Variants in VASP observed in about 807,000 individuals in gnomAD.
VASP encodes the protein vasodilator stimulated phosphoprotein.
In VASP, 27 loss-of-function variants were observed where a neutral mutation model predicts 54.4. The ratio of observed to expected loss-of-function variants is 0.50; its 90% CI spans 0.37 to 0.68. The LOEUF is 0.68. Among genes scored for constraint, VASP ranks in the 30% least tolerant of loss-of-function variants. The pLI, the probability that VASP is intolerant of heterozygous loss-of-function variation, is 0.00. For synonymous variants in VASP, 233 were observed against 209.8 expected (o/e 1.11, Z -0.96); for missense variants, 488 against 528.3 (o/e 0.92, Z 0.75).
At position 45,522,831 on chromosome 19, in the gene VASP, C is replaced by CT. The variant is rs1334173641; in HGVS notation, c.821+14dup. On this transcript the variant is annotated intron_variant, in intron 7 of 12. Coordinates refer to ENST00000245932, the MANE Select transcript of VASP (RefSeq NM_003370.4). ...TGCTGGCCCGGAGGTGAGCCTGAGC[C>CT]TGGACCCCCAAGTCACCTGGAGTTC... 3.7e-6 allele frequency: 6 copies of CT among 1,601,270 alleles called. No individual in the cohort carries two copies. The highest frequency in any genetic ancestry group is 1.4e-5 in the African/African-American group (1 of 73,628).
chr19:45,522,061 G>A (rs1968847242), intron 4 of VASP, 107 bp from the exon 5 acceptor site: 1 of 1,504,974 alleles, frequency 6.6e-7, no homozygotes, highest in Non-Finnish European at 9.1e-7. Flanking sequence ...AGTATTAGGA[G>A]CCAGCCACCC....
intron 10 of VASP, 41 bp downstream of exon 10, chr19:45,524,183 G>A: frequency 1.2e-6 from 2 of 1,611,266 alleles, no homozygotes; most frequent in Non-Finnish European, 1.7e-6. Context: ...GGTAAAGGCG[G>A]GCAGATCGCT....
At chr19:45,518,291 G>A (rs1490506678) in intron 3 of VASP, among the ~76,000 whole-genome samples, 197 bp downstream of exon 3, 6 of 152,192 alleles carry the variant, frequency 3.9e-5, no homozygotes, top group Non-Finnish European at 7.3e-5. Flanking sequence ...CCATTGGCCC[G>A]GCGCCGTGGC....
rs191472689 is a variant in VASP at position 45,519,429 on chromosome 19, C to T, written c.343+1335C>T. On this transcript the variant is annotated intron_variant, in intron 3 of 12. Transcript: ENST00000245932. ...AAAGTGCTGGGATTATAAGTGTGAGCCACCATGTCTGGCCACCTGGATCAT... is the reference window on the plus strand; with the variant it reads ...AAAGTGCTGGGATTATAAGTGTGAGTCACCATGTCTGGCCACCTGGATCAT... Among the ~76,000 whole-genome samples the T allele has an allele frequency of 7.9e-4, 120 of 152,142 alleles. 2 individuals carry two copies. In the East Asian group the frequency reaches 0.02, roughly 25 times the overall value.
In VASP at chr19:45,517,950, G is replaced by T. The variant is rs770221309; in HGVS notation, c.199G>T (p.Val67Phe). The change falls in exon 3 of 13, where the codon GTC becomes TTC. Residue 67 changes from valine to phenylalanine, a missense_variant. Around this residue, in one of 4 missense-constraint regions of VASP, gnomAD observed 127 missense variants for 170.7 expected, o/e 0.74. Coordinates refer to ENST00000245932, the MANE Select transcript of VASP (RefSeq NM_003370.4). ...DQQVVINCAI[V>F]RGVKYNQATP... ...CCAGGTGGTCATCAACTGTGCCATC[G>T]TCCGGGGTGTCAAGTATAACCAGGC... is the stretch of plus-strand genomic sequence containing the variant. The T allele has an allele frequency of 1.2e-6, 2 of 1,607,282 alleles. No homozygotes were observed. Among genetic ancestry groups the T allele is most frequent in the East Asian group, 4.5e-5 (2 of 44,352 alleles).
rs1265058240 is a variant in VASP, at chr19:45,507,582, T to A, written c.-190T>A. On this transcript the variant is annotated 5_prime_UTR_variant, in exon 1 of 13. Transcript: ENST00000245932. The surrounding 1 kb of genome is among the most constrained non-coding windows in gnomAD (Gnocchi z 4.4). ...TGCAGGAACCTCTCATCAGACCGCC[T>A]GAGGGAAGCGGCGCCCGGAGACCCG... 1.6e-6 allele frequency: 1 copy of A among 606,276 alleles called. No individual in the cohort carries two copies. The allele number at this position is 606,276 out of a possible 1,614,324, so 37.6% of individuals were successfully genotyped here.
rs57222956 is a variant in VASP at position 45,519,922 on chromosome 19, T to TTA, written c.344-1400_344-1399insTA. Among the ~76,000 whole-genome samples the TTA allele has an allele frequency of 8.1e-4, 83 of 102,328 alleles. 5 individuals are homozygous for TTA. The highest frequency in any genetic ancestry group is 2.1e-3 in the African/African-American group (51 of 24,010). 67.1% of individuals were successfully genotyped at this position (102,328 alleles called of 152,430 possible). A position where few individuals can be genotyped will look rare whatever the true frequency, so the allele number is the denominator to read the frequency against. On this transcript the variant is annotated intron_variant, in intron 3 of 12. Coordinates refer to ENST00000245932, the MANE Select transcript of VASP (RefSeq NM_003370.4). The stretch of plus-strand genomic sequence containing the variant: ...TTTTTTTTTTTTTTTTTTTTTTTTT[T>TTA]AATATGGAGTCTCACTCTGTCTCTC...
In VASP at chr19:45,521,367, C is replaced by T. The variant is rs763472179; in HGVS notation, c.389C>T (p.Pro130Leu). Residue 130 changes from proline (P) to leucine (L), a missense_variant, in exon 4 of 13, where the codon CCG (proline) becomes CTG (leucine). Physicochemically the swap from Pro to Leu is moderately conservative, Grantham distance 98 (BLOSUM62 -3). Coordinates refer to ENST00000245932, the MANE Select transcript of VASP (RefSeq NM_003370.4). ...PPPALPTWSV[P>L]NGPSPEEVEQ... ...CCAGCACTTCCCACCTGGTCGGTCCCGAACGGCCCCTCCCCGGAGGAGGTG... is the reference window on the plus strand; with the variant it reads ...CCAGCACTTCCCACCTGGTCGGTCCTGAACGGCCCCTCCCCGGAGGAGGTG... 2.3e-5 allele frequency: 37 copies of T among 1,582,302 alleles called. No homozygotes were observed. The highest frequency in any genetic ancestry group is 5.8e-5 in the South Asian group (5 of 86,504).
Position 45,526,947 on chromosome 19 carries a change from T to C in VASP, c.*770T>C, listed in dbSNP as rs1255059553. On this transcript the variant is annotated 3_prime_UTR_variant, in exon 13 of 13. Transcript: ENST00000245932. The stretch of plus-strand genomic sequence containing the variant: ...ACCTTCACCTTTAGCTTCTTGAAAA[T>C]GGGCCCCTGCAGAATAAATCTGCCA... The C allele has an allele frequency of 6.6e-6, 1 of 151,562 alleles. No homozygotes were observed. Among genetic ancestry groups the C allele is most frequent in the Non-Finnish European group, 1.5e-5 (1 of 67,912 alleles). 9.4% of individuals were successfully genotyped at this position (151,562 alleles called of 1,614,324 possible). A position where few individuals can be genotyped will look rare whatever the true frequency, so the allele number is the denominator to read the frequency against.
intron 1 of VASP, among the ~76,000 whole-genome samples, chr19:45,509,690 G>C (rs553312509): frequency 1.3e-5 from 2 of 152,310 alleles, no homozygotes; most frequent in South Asian, 4.1e-4. Flanking sequence ...CACCTTTCCA[G>C]GGGGTCTCCC....
At position 45,522,942 on chromosome 19, in the gene VASP, G is replaced by T; in HGVS notation, c.821+124G>T. On this transcript the variant is annotated intron_variant, in intron 7 of 12. Coordinates refer to ENST00000245932, the MANE Select transcript of VASP (RefSeq NM_003370.4). The stretch of plus-strand genomic sequence containing the variant: ...TGAATGTTCCCCCTTTGATAACCAG[G>T]TTTGGGATATAATGGTGGGGTTTGT... 4 of 1,034,976 alleles carry T rather than the reference G, an allele frequency of 3.9e-6. No homozygotes were observed. In the South Asian group the frequency reaches 6.3e-5, roughly 16 times the overall value. The allele number at this position is 1,034,976 out of a possible 1,614,324, so 64.1% of individuals were successfully genotyped here.
intron 1 of VASP, among the ~76,000 whole-genome samples, chr19:45,515,833 C>T (rs149573380): frequency 1.8e-4 from 28 of 152,292 alleles, no homozygotes; most frequent in Admixed American, 3.9e-4. Context: ...CCACCACACC[C>T]GGCTGTACCA....
chr19:45,519,484 G>A (rs1350994439), intron 3 of VASP, among the ~76,000 whole-genome samples: 1 of 144,764 alleles, frequency 6.9e-6, no homozygotes. Flanking sequence ...TTTACTTTTT[G>A]TGGAGATGGT....
chr19:45,517,416 A>G (rs1053830608), intron 1 of VASP, among the ~76,000 whole-genome samples: 1 of 148,512 alleles, frequency 6.7e-6, no homozygotes, highest in Non-Finnish European at 1.5e-5. Context: ...CTCTTTGTCA[A>G]CCCGACTCTC....
chr19:45,520,029 G>A (rs751225115), intron 3 of VASP, among the ~76,000 whole-genome samples: 8 of 150,090 alleles, frequency 5.3e-5, no homozygotes, highest in Non-Finnish European at 1.0e-4. Context: ...AGCCTCCTGA[G>A]TAGATGGAAC....
At chr19:45,519,176 G>A (rs1042302641) in intron 3 of VASP, among the ~76,000 whole-genome samples, 17 of 151,934 alleles carry the variant, frequency 1.1e-4, no homozygotes, top group Non-Finnish European at 5.9e-5. Context: ...CACCACACCC[G>A]GGTAATTTTT....
chr19:45,516,815 A>G (rs1968710331), intron 1 of VASP, among the ~76,000 whole-genome samples: 1 of 151,960 alleles, frequency 6.6e-6, no homozygotes, highest in Middle Eastern at 3.4e-3. Flanking sequence ...TCTGGCCAAC[A>G]TGGTGAAACC....
chr19:45,514,695 C>T (rs1968667213), intron 1 of VASP, among the ~76,000 whole-genome samples: 1 of 152,208 alleles, frequency 6.6e-6, no homozygotes, highest in African/African-American at 2.4e-5. Flanking sequence ...GCAGCAGCAG[C>T]CCCGGGCTCC....
chr19:45,521,057 C>A (rs536674173), intron 3 of VASP, among the ~76,000 whole-genome samples: 1 of 152,328 alleles, frequency 6.6e-6, no homozygotes, highest in East Asian at 1.9e-4. Flanking sequence ...AAATCTGGGG[C>A]AAGTGACTGT....
Sources: gnomAD v4.1 joint callset for allele counts (sites outside exome capture counted in the v4.1 genomes callset) on GRCh38, gnomAD v4.1.1 for gene constraint, gnomAD v4.1.1 regional missense constraint, Gnocchi (gnomAD v3.1) non-coding constraint, MANE v1.5 for transcripts, NCBI Gene and HGNC (gene_info 2026-07-23, HGNC 2026-07-21) for gene names.